PDE4D: variants seen among roughly 807,000 people sequenced by gnomAD.
The protein encoded by PDE4D is phosphodiesterase 4D.
In PDE4D, 24 loss-of-function variants were observed where a neutral mutation model predicts 87.4. That is an observed-to-expected ratio of 0.27 (90% CI 0.20 to 0.39). The LOEUF is 0.39. Ranked by LOEUF, PDE4D falls within the 10% of genes least tolerant of loss-of-function variation. The pLI is 1.00. For synonymous variants in PDE4D, 384 were observed against 383.2 expected, an observed-to-expected ratio of 1.00 and a Z score of -0.02; for missense variants, 714 against 1,041.0, an observed-to-expected ratio of 0.69 and a Z score of 4.32.
At chr5:59,804,363 T>C (rs1287748295) in intron 1 of PDE4D, among the ~76,000 whole-genome samples, 1 of 152,224 alleles carries the variant, frequency 6.6e-6, no homozygotes, top group Non-Finnish European at 1.5e-5. Context: ...GGTTTCTTTT[T>C]ATGACTGAGT....
At chr5:60,302,990 A>T (rs1483801430) in intron 1 of PDE4D, among the ~76,000 whole-genome samples, 2 of 151,486 alleles carry the variant, frequency 1.3e-5, no homozygotes, top group Non-Finnish European at 2.9e-5. Flanking sequence ...CCACACACCC[A>T]GCTACTTTTT....
chr5:59,636,151 A>G (rs2150169726), intron 1 of PDE4D, among the ~76,000 whole-genome samples: 1 of 152,282 alleles, frequency 6.6e-6, no homozygotes, highest in East Asian at 1.9e-4. Context: ...AAAGAAGAAA[A>G]TACCTACGAA....
intron 1 of PDE4D, among the ~76,000 whole-genome samples, chr5:60,203,813 T>C (rs1241200812): frequency 6.6e-6 from 1 of 152,174 alleles, no homozygotes; most frequent in Non-Finnish European, 1.5e-5. Context: ...CTAGCCACCA[T>C]CCTATGCAAG....
At chr5:60,264,019 A>T (rs1749926146) in intron 1 of PDE4D, among the ~76,000 whole-genome samples, 1 of 151,926 alleles carries the variant, frequency 6.6e-6, no homozygotes, top group African/African-American at 2.4e-5. Flanking sequence ...TAAAATAAAT[A>T]ATAAACTAAA....
chr5:59,672,078 A>C (rs544230478), intron 1 of PDE4D, among the ~76,000 whole-genome samples: 212 of 152,298 alleles, frequency 1.4e-3, no homozygotes, highest in African/African-American at 4.9e-3. Flanking sequence ...AATCTTGGAA[A>C]GTCTTCAGGC....
intron 1 of PDE4D, among the ~76,000 whole-genome samples, chr5:59,390,859 G>A (rs143645741): frequency 5.9e-5 from 9 of 152,210 alleles, no homozygotes; most frequent in African/African-American, 2.2e-4. Flanking sequence ...GGTGGTAAAA[G>A]TCACTCCAAG....
At chr5:59,036,311 C>T (rs1758490242) in intron 6 of PDE4D, among the ~76,000 whole-genome samples, 1 of 152,102 alleles carries the variant, frequency 6.6e-6, no homozygotes. Context: ...ACACAGAAAA[C>T]TGTCATAATT....
At chr5:60,319,597 T>A (rs543867572) in intron 1 of PDE4D, among the ~76,000 whole-genome samples, 26 of 152,330 alleles carry the variant, frequency 1.7e-4, no homozygotes, top group Middle Eastern at 3.4e-3. Flanking sequence ...CTCTGTTTTT[T>A]CCCTATCTTT....
At chr5:59,565,757 G>A (rs1358037969) in intron 1 of PDE4D, among the ~76,000 whole-genome samples, 1 of 152,176 alleles carries the variant, frequency 6.6e-6, no homozygotes, top group Admixed American at 6.5e-5. Context: ...TCAGAATGCT[G>A]AAGTGCAGCT....
intron 1 of PDE4D, among the ~76,000 whole-genome samples, chr5:59,379,101 G>A (rs897649470): frequency 2.0e-5 from 3 of 151,904 alleles, no homozygotes; most frequent in Non-Finnish European, 2.9e-5. Context: ...GTTCCTTCCT[G>A]GTCTTCACTG....
At chr5:60,225,197 T>C (rs1390741249) in intron 1 of PDE4D, among the ~76,000 whole-genome samples, 1 of 152,038 alleles carries the variant, frequency 6.6e-6, no homozygotes, top group Non-Finnish European at 1.5e-5. Context: ...TCATCTTCCC[T>C]AGTTCCTTTG....
At chr5:59,167,210 A>G (rs538446807) in intron 5 of PDE4D, among the ~76,000 whole-genome samples, 1 of 152,328 alleles carries the variant, frequency 6.6e-6, no homozygotes, top group Non-Finnish European at 1.5e-5. Context: ...CAGGACAGCC[A>G]GCCACGAAAC....
chr5:59,101,073 T>G (rs1770656651), intron 5 of PDE4D, among the ~76,000 whole-genome samples: 1 of 152,116 alleles, frequency 6.6e-6, no homozygotes, highest in Admixed American at 6.5e-5. Flanking sequence ...ACTCCAAGAG[T>G]TTGGCTCTTT....
At chr5:59,449,401 C>G (rs1392436790) in intron 1 of PDE4D, among the ~76,000 whole-genome samples, 1 of 152,176 alleles carries the variant, frequency 6.6e-6, no homozygotes, top group African/African-American at 2.4e-5. Flanking sequence ...GTTTTTCTCC[C>G]AAATCGATTC....
intron 1 of PDE4D, among the ~76,000 whole-genome samples, chr5:59,346,031 A>C (rs1779554113): frequency 6.6e-6 from 1 of 152,248 alleles, no homozygotes; most frequent in Non-Finnish European, 1.5e-5. Context: ...AATACTAACA[A>C]AATGAGAATA....
At chr5:59,339,502 A>G (rs1217947851) in intron 1 of PDE4D, among the ~76,000 whole-genome samples, 1 of 152,230 alleles carries the variant, frequency 6.6e-6, no homozygotes, top group Non-Finnish European at 1.5e-5. Context: ...TTAAAAAGTT[A>G]AACAGTTTTT....
At chr5:59,483,684 G>A (rs545291369) in intron 1 of PDE4D, among the ~76,000 whole-genome samples, 93 of 152,190 alleles carry the variant, frequency 6.1e-4, no homozygotes, top group Admixed American at 1.8e-3. Context: ...AGTAAGTGGG[G>A]GTTCTGGATG....
At chr5:59,512,419 T>C (rs1284745042) in intron 1 of PDE4D, among the ~76,000 whole-genome samples, 10 of 152,192 alleles carry the variant, frequency 6.6e-5, no homozygotes, top group African/African-American at 2.4e-4. Context: ...GAGCTCCATA[T>C]GCCTTATGAT....
chr5:60,124,697 T>C (rs556401977), intron 2 of PDE4D, among the ~76,000 whole-genome samples: 1 of 152,310 alleles, frequency 6.6e-6, no homozygotes, highest in East Asian at 1.9e-4. Context: ...ATCTTATTTC[T>C]CTGCCTAAAT....
Sources: allele counts gnomAD v4.1 joint callset (sites outside exome capture counted in the v4.1 genomes callset), GRCh38; gene constraint gnomAD v4.1.1; transcripts MANE v1.5; gene names NCBI Gene and HGNC (gene_info 2026-07-23, HGNC 2026-07-21).